Variants in PXDNL observed in about 807,000 individuals in gnomAD.
PXDNL encodes the protein probable oxidoreductase PXDNL.
In PXDNL, 145 loss-of-function variants were observed where a neutral mutation model predicts 150.8. The ratio of observed to expected loss-of-function variants is 0.96; its 90% CI spans 0.84 to 1.10. PXDNL has a LOEUF of 1.10. Among genes scored for constraint, PXDNL ranks in the 50% least tolerant of loss-of-function variants. PXDNL has a pLI of 0.00. For synonymous variants in PXDNL, 757 were observed against 725.7 expected (o/e 1.04, Z -0.69); for missense variants, 2,087 against 1,873.9 (o/e 1.11, Z -2.10).
intron 17 of PXDNL, among the ~76,000 whole-genome samples, chr8:51,404,525 G>C (rs941712250): frequency 6.9e-6 from 1 of 145,788 alleles, no homozygotes; most frequent in African/African-American, 2.8e-5. Flanking sequence ...GTGCTGATTG[G>C]TGTGTTTACA....
chr8:51,415,038 T>C (rs1158045586), intron 14 of PXDNL, among the ~76,000 whole-genome samples: 1 of 152,138 alleles, frequency 6.6e-6, no homozygotes, highest in Non-Finnish European at 1.5e-5. Flanking sequence ...TTTTGGGGAT[T>C]GTATTTAGAG....
intron 1 of PXDNL, among the ~76,000 whole-genome samples, chr8:51,690,676 T>C (rs980095352): frequency 2.0e-5 from 3 of 152,250 alleles, no homozygotes; most frequent in Admixed American, 2.0e-4. Flanking sequence ...GTCCTTTGGG[T>C]ATATACCCAG....
At chr8:51,573,639 C>G (rs1028453413) in intron 3 of PXDNL, among the ~76,000 whole-genome samples, 3 of 151,946 alleles carry the variant, frequency 2.0e-5, no homozygotes, top group African/African-American at 7.2e-5. Context: ...ACATGGGAAA[C>G]CTAGACTCCT....
Position 51,608,398 on chromosome 8 carries a change from AAAAAAG to A in PXDNL, c.237-15706_237-15701del, listed in dbSNP as rs1475699089. Among the ~76,000 whole-genome samples, 582 of 146,418 alleles carry A rather than the reference AAAAAAG, an allele frequency of 4.0e-3. 10 individuals are homozygous for A. Among genetic ancestry groups the A allele is most frequent in the Non-Finnish European group, 6.9e-3 (469 of 67,516 alleles). ...GGAGAGACTCCGTCAAAAAAAAAAA[AAAAAAG>A]AAAGAAAGGAAGGAAGGAAGAAAGA... On this transcript the variant is annotated intron_variant, in intron 2 of 22. Coordinates refer to ENST00000356297, the MANE Select transcript of PXDNL (RefSeq NM_144651.5).
chr8:51,320,091 G>A (rs914283339), intron 22 of PXDNL, 69 bp from the exon 23 acceptor site: 18 of 1,214,120 alleles, frequency 1.5e-5, no homozygotes, highest in Middle Eastern at 4.2e-4. Flanking sequence ...ACAAATAAAT[G>A]TTTCTTATAA....
intron 6 of PXDNL, among the ~76,000 whole-genome samples, chr8:51,480,150 G>T (rs976153012): frequency 1.3e-5 from 2 of 152,102 alleles, no homozygotes; most frequent in Admixed American, 1.3e-4. Context: ...ACATTCTTTT[G>T]CTCATGGACC....
At chr8:51,796,414 AAT>A (rs1305444713) in intron 1 of PXDNL, among the ~76,000 whole-genome samples, 1 of 151,970 alleles carries the variant, frequency 6.6e-6, no homozygotes, top group African/African-American at 2.4e-5. Context: ...AAATTAATAA[AAT>A]AGACTACTAG....
chr8:51,593,272 C>T (rs16916572), intron 2 of PXDNL, among the ~76,000 whole-genome samples: 5,160 of 152,038 alleles, frequency 0.034, 237 homozygotes, highest in East Asian at 0.24. Flanking sequence ...GAATTTGAAC[C>T]GTAAAACAAG....
chr8:51,466,957 G>T (rs1465359896), intron 8 of PXDNL, among the ~76,000 whole-genome samples: 1 of 152,174 alleles, frequency 6.6e-6, no homozygotes, highest in African/African-American at 2.4e-5. Flanking sequence ...ATGTAGATTA[G>T]TTTAGCCACT....
intron 5 of PXDNL, among the ~76,000 whole-genome samples, chr8:51,494,260 T>TA (rs1353535393): frequency 6.6e-6 from 1 of 151,858 alleles, no homozygotes; most frequent in Non-Finnish European, 1.5e-5. Context: ...AGGCCTGCCC[T>TA]AAAAGAGCTC....
chr8:51,389,045 G>T (rs1807813298), intron 17 of PXDNL, among the ~76,000 whole-genome samples: 1 of 151,760 alleles, frequency 6.6e-6, no homozygotes, highest in Admixed American at 6.6e-5. Context: ...TTGTTTTGTT[G>T]CTTTTCATTT....
intron 2 of PXDNL, among the ~76,000 whole-genome samples, chr8:51,628,399 C>CTTTTTTTTTTTTTTTTTTTTTTT (rs71550276): frequency 3.2e-4 from 22 of 69,750 alleles, no homozygotes; most frequent in South Asian, 7.6e-4. Context: ...CTTTTCTTTT[C>CTTTTTTTTTTTTTTTTTTTTTTT]TTTTTTTTTT....
rs369651235 is a variant in PXDNL, at chr8:51,689,918, G to A, written c.165-35158C>T. Among the ~76,000 whole-genome samples the A allele has an allele frequency of 8.5e-5, 13 of 152,292 alleles. No individual in the cohort carries two copies. The South Asian group carries it at 1.2e-3, about 15-fold the overall frequency. On this transcript the variant is annotated intron_variant, in intron 1 of 22. Transcript: ENST00000356297. ...TTCACTGCCACAGGGATGTCTCCTC[G>A]AGGTTCACAGGCTGCATATTCAATT...
chr8:51,651,969 AT>A (rs1392030495), intron 2 of PXDNL, among the ~76,000 whole-genome samples: 5 of 152,164 alleles, frequency 3.3e-5, no homozygotes, highest in African/African-American at 1.2e-4. Context: ...CGGATTTTTT[AT>A]TAAGTAAACC....
chr8:51,551,368 C>T (rs1343777603), intron 4 of PXDNL, among the ~76,000 whole-genome samples: 1 of 152,036 alleles, frequency 6.6e-6, no homozygotes, highest in East Asian at 1.9e-4. Flanking sequence ...CCCACAAAAG[C>T]AAGACTAAGC....
At chr8:51,547,567 G>A (rs1812389784) in intron 4 of PXDNL, among the ~76,000 whole-genome samples, 1 of 152,112 alleles carries the variant, frequency 6.6e-6, no homozygotes, top group African/African-American at 2.4e-5. Context: ...TAGCCCTACT[G>A]GGTGGCTAGA....
Position 51,587,344 on chromosome 8 carries a change from C to A in PXDNL, c.308+5283G>T, listed in dbSNP as rs76561208. ...AATCTTAGCTCTAAAATTCAGCTAA[C>A]ATTAAATGAATCACTATATCCAAAG... On this transcript the variant is annotated intron_variant, in intron 3 of 22. Transcript: ENST00000356297. Among the ~76,000 whole-genome samples the A allele has an allele frequency of 5.9e-3, 899 of 152,250 alleles. 3 individuals are homozygous for A. Among genetic ancestry groups the A allele is most frequent in the African/African-American group, 0.021 (852 of 41,544 alleles).
At chr8:51,486,689 G>A (rs1810744811) in intron 5 of PXDNL, among the ~76,000 whole-genome samples, 1 of 131,956 alleles carries the variant, frequency 7.6e-6, no homozygotes, top group Admixed American at 8.3e-5. Flanking sequence ...GCTTGTAGAT[G>A]ACTTTGATTG....
At chr8:51,605,373 T>C (rs941653013) in intron 2 of PXDNL, among the ~76,000 whole-genome samples, 7 of 152,138 alleles carry the variant, frequency 4.6e-5, no homozygotes, top group African/African-American at 1.4e-4. Context: ...TTTGGCGATA[T>C]GACTATTTGT....
Sources: allele counts gnomAD v4.1 joint callset (sites outside exome capture counted in the v4.1 genomes callset), GRCh38; gene constraint gnomAD v4.1.1; transcripts MANE v1.5; gene names NCBI Gene and HGNC (gene_info 2026-07-23, HGNC 2026-07-21).